The following SMTNL1 variants were observed in gnomAD, a reference collection of about 807,000 sequenced individuals.
SMTNL1 encodes smoothelin like 1, also known as smoothelin-like protein 1.
Under a neutral mutation model 46.6 loss-of-function variants are expected in SMTNL1, and 41 were observed. The observed-to-expected ratio is 0.88, with a 90% CI of 0.69 to 1.14. The LOEUF is 1.14. SMTNL1 is among the 50% of genes most tolerant of loss of function. The pLI is 0.00. For missense variants in SMTNL1, 591 were observed against 626.1 expected (o/e 0.94, Z 0.60); for synonymous variants, 234 against 234.2 (o/e 1.00, Z 0.01).
At chr11:57,542,107 AAAAAAAACAC>A (rs1944882197) in intron 1 of SMTNL1, among the ~76,000 whole-genome samples, 2 of 33,248 alleles carry the variant, frequency 6.0e-5, no homozygotes, top group African/African-American at 8.9e-5. Flanking sequence ...ATCTCTACAA[AAAAAAAACAC>A]ACACACACAC....
chr11:57,546,765 A>G (rs1944926834), intron 7 of SMTNL1, 113 bp downstream of exon 7: 1 of 1,323,322 alleles, frequency 7.6e-7, no homozygotes, highest in Admixed American at 2.1e-5. Context: ...ACATTCATGT[A>G]TCCAACAGAC....
Position 57,546,305 on chromosome 11 carries a change from C to A in SMTNL1, c.1146C>A (p.Asn382Lys). ...GGGCAGCCATTGGTGGTGTCAAGAA[C>A]ATGCTCTTGGAGTGGTGCCGAGCCA... ...AAGAAIGGVKNMLLEWCRAMT... is the reference protein window; with the variant it reads ...AAGAAIGGVKKMLLEWCRAMT... Residue 382 changes from asparagine (N) to lysine (K), a missense_variant, in exon 6 of 8, where the codon AAC becomes AAA. Coordinates refer to ENST00000527972, the MANE Select transcript of SMTNL1 (RefSeq NM_001105565.3). The A allele has an allele frequency of 6.2e-7, 1 of 1,611,508 alleles. No homozygotes were observed. Among genetic ancestry groups the A allele is most frequent in the South Asian group, 1.1e-5 (1 of 90,586 alleles).
chr11:57,541,419 GC>G (rs922238408), intron 1 of SMTNL1: 6 of 1,268,234 alleles, frequency 4.7e-6, no homozygotes, highest in South Asian at 1.3e-5. Context: ...CTAACCCGGG[GC>G]CCCCACACAC....
intron 7 of SMTNL1, among the ~76,000 whole-genome samples, chr11:57,548,124 T>C (rs2135267824): frequency 6.6e-6 from 1 of 152,232 alleles, no homozygotes; most frequent in African/African-American, 2.4e-5. Context: ...TGATAAAGCA[T>C]GAGGTGGGCA....
rs1369669385 is a variant in SMTNL1, at chr11:57,542,725, G to C, written c.83G>C (p.Gly28Ala). 6.2e-7 allele frequency: 1 copy of C among 1,613,948 alleles called. No homozygotes were observed. Among genetic ancestry groups the C allele is most frequent in the East Asian group, 2.2e-5 (1 of 44,884 alleles). Residue 28 changes from glycine to alanine, a missense_variant, in exon 2 of 8, where the codon GGA (glycine) becomes GCA (alanine). By Grantham distance (60) the Gly-to-Ala change is moderately conservative. Transcript: ENST00000527972. ...AADNPEMSGG[G>A]APAEETKGTA... ...GACAACCCTGAGATGTCAGGAGGTG[G>C]AGCCCCTGCAGAGGAGACCAAAGGC...
intron 7 of SMTNL1, 65 bp from the exon 8 acceptor site, chr11:57,549,903 C>T (rs1207852770): frequency 2.5e-6 from 4 of 1,578,754 alleles, no homozygotes; most frequent in Non-Finnish European, 3.5e-6. Flanking sequence ...TGCCTGCACC[C>T]ATCCCCTTGG....
intron 1 of SMTNL1, among the ~76,000 whole-genome samples, chr11:57,542,113 A>C (rs2848637): frequency 0.33 from 34,432 of 104,946 alleles, 4,112 homozygotes; most frequent in Middle Eastern, 0.39. Flanking sequence ...ACAAAAAAAA[A>C]ACACACACAC....
intron 1 of SMTNL1, among the ~76,000 whole-genome samples, chr11:57,542,109 AAAAAACACACACACAC>A (rs750615394): frequency 5.1e-4 from 31 of 60,516 alleles, no homozygotes; most frequent in South Asian, 2.8e-3. Flanking sequence ...CTCTACAAAA[AAAAAACACACACACAC>A]ACACACACAC....
Position 57,542,701 on chromosome 11 carries a change from A to G in SMTNL1, c.59A>G (p.Asp20Gly). 6.2e-7 allele frequency: 1 copy of G among 1,613,918 alleles called. No homozygotes were observed. Residue 20 changes from aspartate to glycine, a missense_variant, in exon 2 of 8, where the codon GAC becomes GGC. Coordinates refer to ENST00000527972, the MANE Select transcript of SMTNL1 (RefSeq NM_001105565.3). ...EDGTTVSPAA[D>G]NPEMSGGGAP... is the part of the protein sequence containing the mutation. The stretch of plus-strand genomic sequence containing the variant: ...GGGACCACCGTCTCCCCAGCTGCGG[A>G]CAACCCTGAGATGTCAGGAGGTGGA...
chr11:57,547,206 A>G (rs981018955), intron 7 of SMTNL1, among the ~76,000 whole-genome samples: 2 of 152,242 alleles, frequency 1.3e-5, no homozygotes, highest in Non-Finnish European at 2.9e-5. Context: ...AGTGAATATC[A>G]GAAGGGCAAG....
intron 7 of SMTNL1, 44 bp from the exon 8 acceptor site, chr11:57,549,924 C>T: frequency 1.2e-6 from 2 of 1,607,888 alleles, no homozygotes; most frequent in Non-Finnish European, 1.7e-6. Context: ...CTCCCATATC[C>T]TTCACCTTTG....
intron 1 of SMTNL1, among the ~76,000 whole-genome samples, chr11:57,540,780 G>A (rs1944868733): frequency 6.6e-6 from 1 of 150,870 alleles, no homozygotes; most frequent in African/African-American, 2.4e-5. Flanking sequence ...ACGCGATCTC[G>A]GCTCACTGCA....
chr11:57,542,106 A>C (rs1449891311), intron 1 of SMTNL1, among the ~76,000 whole-genome samples: 4 of 30,372 alleles, frequency 1.3e-4, no homozygotes, highest in African/African-American at 4.5e-4. Context: ...CATCTCTACA[A>C]AAAAAAAACA....
chr11:57,545,519 C>T (rs566609004), intron 4 of SMTNL1, among the ~76,000 whole-genome samples: 2 of 151,436 alleles, frequency 1.3e-5, no homozygotes, highest in Admixed American at 6.6e-5. Context: ...GCAGGAGAAT[C>T]GCTTGAACCC....
rs1238098197 is a variant in SMTNL1, at chr11:57,543,164, C to T, written c.522C>T (p.Ala174=). The T allele has an allele frequency of 6.2e-7, 1 of 1,613,688 alleles. No homozygotes were observed. The highest frequency in any genetic ancestry group is 8.5e-7 in the Non-Finnish European group (1 of 1,179,740). Residue 174 remains alanine (A), a synonymous_variant, in exon 2 of 8, where the codon GCC becomes GCT. Transcript: ENST00000527972. ...ATVEEEDAKT[A]SQEETGQRKE... is the part of the protein sequence containing the mutation. ...TTGAGGAGGAGGACGCCAAGACAGCCTCTCAGGAGGAGACAGGCCAGAGGA... is the reference window on the plus strand; with the variant it reads ...TTGAGGAGGAGGACGCCAAGACAGCTTCTCAGGAGGAGACAGGCCAGAGGA...
At chr11:57,539,419 G>C (rs1052989015) in intron 1 of SMTNL1, among the ~76,000 whole-genome samples, 1 of 152,136 alleles carries the variant, frequency 6.6e-6, no homozygotes, top group Non-Finnish European at 1.5e-5. Flanking sequence ...CATACTTTGA[G>C]GTATAAAAAG....
rs778199922 is a variant in SMTNL1 at position 57,543,711 on chromosome 11, G to A, written c.820G>A (p.Glu274Lys). 6.3e-7 allele frequency: 1 copy of A among 1,574,868 alleles called. No homozygotes were observed. Among genetic ancestry groups the A allele is most frequent in the Non-Finnish European group, 8.6e-7 (1 of 1,160,380 alleles). Reference sequence around the variant, plus strand: ...AGGGGTGATTCCCAGCTCCCCAGAGGAGTGGCCTGAGAGCCCCACTGGGGA... The same window carrying A: ...AGGGGTGATTCCCAGCTCCCCAGAGAAGTGGCCTGAGAGCCCCACTGGGGA... ...GAGVIPSSPE[E>K]WPESPTGEGH... Residue 274 changes from glutamate to lysine, a missense_variant, in exon 3 of 8, where the codon GAG (glutamate) becomes AAG (lysine). Transcript: ENST00000527972.
At chr11:57,542,104 CAAAAAA>C (rs57091714) in intron 1 of SMTNL1, among the ~76,000 whole-genome samples, 2,675 of 138,464 alleles carry the variant, frequency 0.019, 78 homozygotes, top group African/African-American at 0.057. Flanking sequence ...CCCATCTCTA[CAAAAAA>C]AAAACACACA....
intron 1 of SMTNL1, chr11:57,541,378 A>AC (rs1197042469): frequency 2.5e-5 from 15 of 594,872 alleles, no homozygotes; most frequent in Admixed American, 2.5e-4. Flanking sequence ...TTGTAACTAC[A>AC]CCCCCCAAAA....
Sources: gnomAD v4.1 joint callset for allele counts (sites outside exome capture counted in the v4.1 genomes callset) on GRCh38, gnomAD v4.1.1 for gene constraint, MANE v1.5 for transcripts, NCBI Gene and HGNC (gene_info 2026-07-23, HGNC 2026-07-21) for gene names.